DIAPH2: variants seen among roughly 807,000 people sequenced by gnomAD.
DIAPH2 encodes the protein protein diaphanous homolog 2.
In DIAPH2, 35 loss-of-function variants were observed where a neutral mutation model predicts 92.7. That is an observed-to-expected ratio of 0.38 (90% confidence interval 0.29 to 0.50). The LOEUF (loss-of-function observed/expected upper bound fraction) is 0.50, where lower values mean the gene tolerates loss of function less well. Among genes scored for constraint, DIAPH2 ranks in the 20% least tolerant of loss-of-function variants. The pLI, the probability that DIAPH2 is intolerant of heterozygous loss-of-function variation, is 0.94. For synonymous variants in DIAPH2, 301 were observed against 280.4 expected, an observed-to-expected ratio of 1.07 and a Z score of -0.73; for missense variants, 701 against 819.5, an observed-to-expected ratio of 0.86 and a Z score of 1.77.
At chrX:97,258,435 G>T (rs767810058) in intron 23 of DIAPH2, among the ~76,000 whole-genome samples, 1 of 110,390 alleles carries the variant, frequency 9.1e-6, no homozygotes, top group African/African-American at 3.3e-5. Context: ...TTAGCCAGGC[G>T]CGTGGCACGC....
At chrX:96,885,134 G>A (rs1321275399) in intron 5 of DIAPH2, 1 of 1,113,534 alleles carries the variant, frequency 9.0e-7, no homozygotes, top group Admixed American at 2.4e-5. Context: ...GAAGACCCTT[G>A]CATCCAGCTG....
intron 19 of DIAPH2, among the ~76,000 whole-genome samples, chrX:97,079,688 A>G (rs940488417): frequency 9.0e-5 from 10 of 111,303 alleles, no homozygotes; most frequent in African/African-American, 2.9e-4. Flanking sequence ...TGAAAAAAGT[A>G]ACAAATGGAA....
At chrX:96,958,440 A>C (rs60063967) in intron 16 of DIAPH2, among the ~76,000 whole-genome samples, 5,597 of 111,802 alleles carry the variant, frequency 0.05, 359 homozygotes, top group African/African-American at 0.17. Flanking sequence ...TTTCTTTAAA[A>C]ATTTTTTATT....
intron 20 of DIAPH2, among the ~76,000 whole-genome samples, chrX:97,104,596 G>T (rs1324621934): frequency 1.8e-5 from 2 of 109,837 alleles, no homozygotes; most frequent in African/African-American, 6.6e-5. Flanking sequence ...GCCCAGGTTG[G>T]TGTTGAACTC....
chrX:97,461,783 C>G (rs2070460857), intron 26 of DIAPH2, among the ~76,000 whole-genome samples: 1 of 111,561 alleles, frequency 9.0e-6, no homozygotes. Context: ...ATATTGCCAT[C>G]TTCCTCTAGG....
At chrX:96,777,446 T>G (rs1481921402) in intron 4 of DIAPH2, among the ~76,000 whole-genome samples, 5 of 85,034 alleles carry the variant, frequency 5.9e-5, no homozygotes, top group African/African-American at 2.9e-4. Context: ...AGTGGATATG[T>G]AGTACTAGAA....
intron 22 of DIAPH2, among the ~76,000 whole-genome samples, chrX:97,240,717 C>T (rs954057074): frequency 1.8e-5 from 2 of 110,013 alleles, no homozygotes; most frequent in African/African-American, 6.6e-5. Flanking sequence ...TTGTTTAATT[C>T]GTGGTAGCAT....
At chrX:97,404,717 GA>G (rs1461026872) in intron 25 of DIAPH2, among the ~76,000 whole-genome samples, 1 of 111,502 alleles carries the variant, frequency 9.0e-6, no homozygotes, top group South Asian at 3.8e-4. Flanking sequence ...TTATCAAAAG[GA>G]AAAAAATGCA....
At chrX:97,591,424 G>T (rs1483632380) in intron 26 of DIAPH2, among the ~76,000 whole-genome samples, 1 of 112,362 alleles carries the variant, frequency 8.9e-6, no homozygotes, top group Non-Finnish European at 1.9e-5. Context: ...CAGTAACAAC[G>T]TGTGGATAGA....
intron 25 of DIAPH2, among the ~76,000 whole-genome samples, chrX:97,424,204 G>A (rs2070038318): frequency 8.9e-6 from 1 of 111,931 alleles, no homozygotes; most frequent in Non-Finnish European, 1.9e-5. Context: ...TGGAGCAAAA[G>A]AAAAAGTAAT....
intron 7 of DIAPH2, among the ~76,000 whole-genome samples, chrX:96,915,938 G>A (rs1428110846): frequency 9.0e-6 from 1 of 111,404 alleles, no homozygotes; most frequent in Non-Finnish European, 1.9e-5. Flanking sequence ...GAGGATAAGA[G>A]AGAGAAGGCA....
intron 21 of DIAPH2, among the ~76,000 whole-genome samples, chrX:97,137,285 A>ATATATAT (rs1163765028): frequency 1.0e-5 from 1 of 95,570 alleles, no homozygotes; most frequent in Non-Finnish European, 2.0e-5. Flanking sequence ...ATATATATAT[A>ATATATAT]TATATATATA....
rs772143522 is a variant in DIAPH2 at position 96,884,896 on chromosome X, A to C, written c.587+3178A>C. 1.7e-5 allele frequency: 20 copies of C among 1,209,013 alleles called. No individual in the cohort carries two copies. In the East Asian group the frequency reaches 3.6e-4, roughly 22 times the overall value. On this transcript the variant is annotated intron_variant, in intron 5 of 26. Transcript: ENST00000324765. ...GAATGATGCTGGGGATAACGATGAGAGTCACCGCAATTTCATCCAGGACGA... is the reference window on the plus strand; with the variant it reads ...GAATGATGCTGGGGATAACGATGAGCGTCACCGCAATTTCATCCAGGACGA...
chrX:97,432,407 G>T (rs2070136210), intron 26 of DIAPH2, among the ~76,000 whole-genome samples: 2 of 111,144 alleles, frequency 1.8e-5, no homozygotes. Context: ...AGATTCTCGT[G>T]CCTCAGCCTC....
At chrX:97,398,909 G>A in intron 25 of DIAPH2, among the ~76,000 whole-genome samples, 1 of 109,947 alleles carries the variant, frequency 9.1e-6, no homozygotes, top group East Asian at 2.9e-4. Context: ...ACCACGCCTG[G>A]CTAATTTTTG....
At chrX:97,037,673 C>T (rs2066420211) in intron 17 of DIAPH2, among the ~76,000 whole-genome samples, 1 of 111,094 alleles carries the variant, frequency 9.0e-6, no homozygotes, top group African/African-American at 3.3e-5. Context: ...TGCGGTTTTT[C>T]GTTTTTTACT....
At chrX:97,370,749 A>C (rs1163584933) in intron 24 of DIAPH2, among the ~76,000 whole-genome samples, 3 of 112,002 alleles carry the variant, frequency 2.7e-5, no homozygotes, top group Non-Finnish European at 5.6e-5. Context: ...TTTATCAATA[A>C]GATACATGAT....
At chrX:97,115,046 C>T (rs1398461151) in intron 21 of DIAPH2, 81 bp downstream of exon 21, 1 of 920,525 alleles carries the variant, frequency 1.1e-6, no homozygotes, top group Non-Finnish European at 1.5e-6. Flanking sequence ...AGCAATCGTA[C>T]ATAAACCACA....
chrX:96,916,330 C>A, intron 7 of DIAPH2, 108 bp from the exon 8 acceptor site: 2 of 690,692 alleles, frequency 2.9e-6, no homozygotes, highest in Non-Finnish European at 4.0e-6. Context: ...TAGGTAGAAC[C>A]TCATTGTGGG....
Sources: allele counts gnomAD v4.1 joint callset (sites outside exome capture counted in the v4.1 genomes callset), GRCh38; gene constraint gnomAD v4.1.1; transcripts MANE v1.5; gene names NCBI Gene and HGNC (gene_info 2026-07-23, HGNC 2026-07-21).